The following PI4K2A variants were observed in gnomAD, a reference collection of about 807,000 sequenced individuals.
PI4K2A encodes the protein phosphatidylinositol 4-kinase type 2 alpha.
Under a neutral mutation model 55.0 loss-of-function variants are expected in PI4K2A, and 20 were observed. The ratio of observed to expected loss-of-function variants is 0.36; its 90% CI spans 0.26 to 0.53. PI4K2A has a LOEUF of 0.53. PI4K2A is among the 20% of genes least tolerant of loss of function. The pLI is 0.91. For synonymous variants in PI4K2A, 235 were observed against 258.5 expected (o/e 0.91, Z 0.87); for missense variants, 463 against 637.1 (o/e 0.73, Z 2.94).
Position 97,656,797 on chromosome 10 carries a change from T to C in PI4K2A, c.769-24T>C. 1 of 1,612,852 alleles carries C rather than the reference T, an allele frequency of 6.2e-7. No homozygotes were observed. Among genetic ancestry groups the C allele is most frequent in the Non-Finnish European group, 8.5e-7 (1 of 1,178,948 alleles). ...TGGATTTGGGCAGTAGGGAAAAACCTTTGTTCCTTCCTCTTGGTTCCAGGT... is the reference window on the plus strand; with the variant it reads ...TGGATTTGGGCAGTAGGGAAAAACCCTTGTTCCTTCCTCTTGGTTCCAGGT... On this transcript the variant is annotated intron_variant, in intron 3 of 8. Transcript: ENST00000370631. This position sits in a 1 kb window ranked among gnomAD's most constrained non-coding sequence, Gnocchi z 4.5.
At chr10:97,657,306 A>G (rs1014065109) in intron 4 of PI4K2A, among the ~76,000 whole-genome samples, 1 of 152,186 alleles carries the variant, frequency 6.6e-6, no homozygotes, top group African/African-American at 2.4e-5. Context: ...ATATTTAAAA[A>G]AAATTTTTTT....
At chr10:97,658,547 A>G (rs1269480776) in intron 4 of PI4K2A, among the ~76,000 whole-genome samples, 1 of 152,200 alleles carries the variant, frequency 6.6e-6, no homozygotes, top group Non-Finnish European at 1.5e-5. Flanking sequence ...TTTTGAGTAT[A>G]TATCCAGAAG....
chr10:97,666,393 G>A, intron 6 of PI4K2A, 45 bp from the exon 7 acceptor site: 1 of 1,593,698 alleles, frequency 6.3e-7, no homozygotes. Context: ...GATGAGCAGG[G>A]ACTTTTCCAA....
chr10:97,660,112 C>T (rs1395317775), intron 4 of PI4K2A, among the ~76,000 whole-genome samples: 1 of 151,046 alleles, frequency 6.6e-6, no homozygotes, highest in Non-Finnish European at 1.5e-5. Context: ...CGCCATTCTC[C>T]TGCCTCAGCC....
At chr10:97,644,274 C>T (rs558925683) in intron 1 of PI4K2A, among the ~76,000 whole-genome samples, 17 of 152,272 alleles carry the variant, frequency 1.1e-4, no homozygotes, top group African/African-American at 4.1e-4. Context: ...TTGCTTGAGC[C>T]TGGGAGGTGG....
chr10:97,669,552 G>A (rs2135762538), intron 8 of PI4K2A, among the ~76,000 whole-genome samples: 1 of 152,270 alleles, frequency 6.6e-6, no homozygotes, highest in African/African-American at 2.4e-5. Context: ...GTAACCTAAA[G>A]TGCCTACTAC....
chr10:97,673,788 A>G, exon 9 of PI4K2A: 1 of 1,584,490 alleles, frequency 6.3e-7, no homozygotes. Flanking sequence ...TGGTGGGAGG[A>G]AGCCTGGGGA....
Position 97,666,591 on chromosome 10 carries a change from G to A in PI4K2A, c.1218+20G>A. 2 of 1,589,580 alleles carry A rather than the reference G, an allele frequency of 1.3e-6. No individual in the cohort carries two copies. Among genetic ancestry groups the A allele is most frequent in the Non-Finnish European group, 1.7e-6 (2 of 1,171,262 alleles). On this transcript the variant is annotated intron_variant, in intron 7 of 8. Coordinates refer to ENST00000370631, the Ensembl canonical transcript of PI4K2A. ...TTCAAGGTTAGCCCTGGGAACCTCAGCCCTATTATCATATGGGAGAAGGAA... is the reference window on the plus strand; with the variant it reads ...TTCAAGGTTAGCCCTGGGAACCTCAACCCTATTATCATATGGGAGAAGGAA...
chr10:97,646,219 A>AT (rs34709946), intron 1 of PI4K2A, among the ~76,000 whole-genome samples: 23,670 of 141,648 alleles, frequency 0.17, 2,106 homozygotes, highest in Non-Finnish European at 0.21. Context: ...GTCCTTAATA[A>AT]TTTTTTTTTT....
intron 2 of PI4K2A, among the ~76,000 whole-genome samples, chr10:97,655,719 C>T (rs1319647706): frequency 2.6e-5 from 4 of 152,012 alleles, no homozygotes; most frequent in Admixed American, 6.6e-5. Flanking sequence ...GGATTACAGA[C>T]GTGCACCACC....
rs1237832974 is a variant in PI4K2A at position 97,660,191 on chromosome 10, T to C, written c.923-2716T>C. 9.5e-5 allele frequency among the ~76,000 whole-genome samples: 14 copies of C among 147,148 alleles called. 1 individual carries two copies. The highest frequency in any genetic ancestry group is 4.3e-4 in the South Asian group (2 of 4,642). ...TAATTTTTTGTATTTTTAGTAGAGA[T>C]GGGGTTTCACCGTGTTAGCCAGGAT... On this transcript the variant is annotated intron_variant, in intron 4 of 8. Transcript: ENST00000370631.
intron 8 of PI4K2A, among the ~76,000 whole-genome samples, chr10:97,671,674 C>A (rs1316109081): frequency 6.6e-6 from 1 of 152,068 alleles, no homozygotes; most frequent in East Asian, 1.9e-4. Context: ...GAGTCTTGCT[C>A]ATTTGCTTAG....
rs577887903 is a variant in PI4K2A at position 97,661,610 on chromosome 10, C to T, written c.923-1297C>T. ...GGCTCAAGCAGTCCTCCCACCTCAG[C>T]CTCCCAAAATGCTGAGATTACAGGC... On this transcript the variant is annotated intron_variant, in intron 4 of 8. Coordinates refer to ENST00000370631, the Ensembl canonical transcript of PI4K2A. 5.9e-5 allele frequency among the ~76,000 whole-genome samples: 9 copies of T among 151,778 alleles called. No individual in the cohort carries two copies. In the South Asian group the frequency reaches 1.9e-3, roughly 32 times the overall value.
intron 8 of PI4K2A, among the ~76,000 whole-genome samples, chr10:97,671,508 G>A (rs1268264828): frequency 2.6e-5 from 4 of 151,916 alleles, no homozygotes; most frequent in African/African-American, 9.7e-5. Flanking sequence ...GGAACTCTTT[G>A]TACAATCTGC....
intron 8 of PI4K2A, among the ~76,000 whole-genome samples, chr10:97,667,543 A>G (rs1387440643): frequency 3.3e-5 from 5 of 152,246 alleles, no homozygotes; most frequent in East Asian, 1.9e-4. Flanking sequence ...CGTTGTGTAC[A>G]TTATTTTTGG....
At position 97,645,334 on chromosome 10, in the gene PI4K2A, C is replaced by T. The variant is rs117684523; in HGVS notation, c.435+4157C>T. Among the ~76,000 whole-genome samples, 15 of 152,114 alleles carry T rather than the reference C, an allele frequency of 9.9e-5. No homozygotes were observed. The East Asian group carries it at 2.7e-3, about 27-fold the overall frequency. ...AGGCTATAAGAGTTGGTAGATGGGG[C>T]GCAGTGGTTCACGCCTGTAATCCCA... On this transcript the variant is annotated intron_variant, in intron 1 of 8. Transcript: ENST00000370631.
chr10:97,651,266 G>C lies in PI4K2A; in HGVS notation c.636+125G>C, dbSNP rs969573808. The C allele has an allele frequency of 1.8e-5, 12 of 668,870 alleles. No individual in the cohort carries two copies. The South Asian group carries it at 2.2e-4, about 12-fold the overall frequency. 41.4% of individuals were successfully genotyped at this position (668,870 alleles called of 1,614,324 possible). A position where few individuals can be genotyped will look rare whatever the true frequency, so the allele number is the denominator to read the frequency against. ...ATTTATACCCTAAGTCTGGGTTCTC[G>C]ATCTTTTTTCGGGAGGATGGCAGGA... On this transcript the variant is annotated intron_variant, in intron 2 of 8. Transcript: ENST00000370631.
intron 8 of PI4K2A, among the ~76,000 whole-genome samples, chr10:97,669,237 C>T (rs537933433): frequency 4.2e-4 from 64 of 152,218 alleles, no homozygotes; most frequent in African/African-American, 1.5e-3. Context: ...CCTACATTTC[C>T]CAAGTAATGT....
At chr10:97,645,973 C>T (rs2041503124) in intron 1 of PI4K2A, among the ~76,000 whole-genome samples, 2 of 152,254 alleles carry the variant, frequency 1.3e-5, no homozygotes, top group East Asian at 1.9e-4. Context: ...CCATAGAATA[C>T]AGCAGTTCTT....
Sources: gnomAD v4.1 joint callset for allele counts (sites outside exome capture counted in the v4.1 genomes callset) on GRCh38, gnomAD v4.1.1 for gene constraint, Gnocchi (gnomAD v3.1) non-coding constraint, MANE v1.5 for transcripts, NCBI Gene and HGNC (gene_info 2026-07-23, HGNC 2026-07-21) for gene names.